Variants in RIN2 observed in about 807,000 individuals in gnomAD.
The protein encoded by RIN2 is Ras and Rab interactor 2.
Under a neutral mutation model 78.0 loss-of-function variants are expected in RIN2, and 36 were observed. That is an observed-to-expected ratio of 0.46 (90% CI 0.35 to 0.61). The LOEUF (loss-of-function observed/expected upper bound fraction) is 0.61. Among genes scored for constraint, RIN2 ranks in the 20% least tolerant of loss-of-function variants. The pLI is 0.00. For synonymous variants in RIN2, 466 were observed against 466.8 expected (o/e 1.00, Z 0.02); for missense variants, 1,087 against 1,159.7 (o/e 0.94, Z 0.91).
intron 3 of RIN2, among the ~76,000 whole-genome samples, chr20:19,922,227 G>A (rs886354056): frequency 3.3e-5 from 5 of 152,130 alleles, no homozygotes; most frequent in Admixed American, 6.5e-5. Flanking sequence ...TCCCAATCAG[G>A]AGTGGGGAGC....
Position 19,889,336 on chromosome 20 carries a change from G to A in RIN2, c.-36-230G>A, listed in dbSNP as rs77407125. The stretch of plus-strand genomic sequence containing the variant: ...TCCTGAAGTCCCAAGGACCTTCTAC[G>A]TCAGTGGCAGAGGTGGGAGGTGGGC... On this transcript the variant is annotated intron_variant, in intron 2 of 12. Coordinates refer to ENST00000255006, the MANE Select transcript of RIN2 (RefSeq NM_018993.4). 2.9e-3 allele frequency: 3,585 copies of A among 1,240,190 alleles called. 94 individuals carry two copies. In the African/African-American group the frequency reaches 0.05, roughly 17 times the overall value. 76.8% of individuals were successfully genotyped at this position (1,240,190 alleles called of 1,614,324 possible). A position where few individuals can be genotyped will look rare whatever the true frequency, so the allele number is the denominator to read the frequency against.
intron 4 of RIN2, among the ~76,000 whole-genome samples, chr20:19,944,590 G>A (rs2041010605): frequency 6.6e-6 from 1 of 152,186 alleles, no homozygotes; most frequent in South Asian, 2.1e-4. Flanking sequence ...TAAGACAACA[G>A]CCTGGAAAAA....
chr20:19,953,316 G>C (rs1185051105), intron 4 of RIN2, among the ~76,000 whole-genome samples: 1 of 151,930 alleles, frequency 6.6e-6, no homozygotes, highest in East Asian at 1.9e-4. Flanking sequence ...ATTTTTAGCA[G>C]AGACAGGGTT....
At chr20:19,800,096 A>C (rs753246866) in intron 2 of RIN2, among the ~76,000 whole-genome samples, 2 of 152,186 alleles carry the variant, frequency 1.3e-5, no homozygotes, top group African/African-American at 2.4e-5. Context: ...CGAGGTGGGC[A>C]CTGCTGTTGC....
chr20:19,827,559 A>G (rs2036130309), intron 2 of RIN2, among the ~76,000 whole-genome samples: 1 of 152,188 alleles, frequency 6.6e-6, no homozygotes, highest in African/African-American at 2.4e-5. Context: ...GAGTGCTTGA[A>G]GGTGATCACA....
At chr20:19,928,020 C>T (rs758567181) in intron 3 of RIN2, among the ~76,000 whole-genome samples, 4 of 152,012 alleles carry the variant, frequency 2.6e-5, no homozygotes, top group South Asian at 2.1e-4. Flanking sequence ...CTCCTGCCTC[C>T]GCCTTCGGAG....
At chr20:19,936,955 G>C (rs1334343851) in intron 4 of RIN2, among the ~76,000 whole-genome samples, 1 of 152,198 alleles carries the variant, frequency 6.6e-6, no homozygotes, top group Non-Finnish European at 1.5e-5. Flanking sequence ...TGGCAACACT[G>C]TTCATATTAA....
Position 19,981,400 on chromosome 20 carries a change from C to T in RIN2, c.1762+5613C>T, listed in dbSNP as rs78122848. Among the ~76,000 whole-genome samples, 554 of 152,288 alleles carry T rather than the reference C, an allele frequency of 3.6e-3. 2 individuals carry two copies. The highest frequency in any genetic ancestry group is 0.012 in the African/African-American group (503 of 41,562). On this transcript the variant is annotated intron_variant, in intron 9 of 12. Coordinates refer to ENST00000255006, the MANE Select transcript of RIN2 (RefSeq NM_018993.4). Reference sequence around the variant, plus strand: ...TTTCTGCCCTGTAAAATTAAAGATTCCCTTCTTTCCATACTCTGTTCTTTG... The same window carrying T: ...TTTCTGCCCTGTAAAATTAAAGATTTCCTTCTTTCCATACTCTGTTCTTTG...
At chr20:19,920,972 C>T (rs575451773) in intron 3 of RIN2, among the ~76,000 whole-genome samples, 4 of 148,968 alleles carry the variant, frequency 2.7e-5, no homozygotes, top group African/African-American at 7.5e-5. Context: ...CATGCCCAGC[C>T]GAAACAGTTT....
intron 2 of RIN2, chr20:19,809,479 C>G (rs2122782341): frequency 6.6e-6 from 1 of 152,410 alleles, no homozygotes; most frequent in Non-Finnish European, 1.5e-5. Context: ...CCCTAGCGTC[C>G]CAGCCACAAG....
At chr20:19,870,810 G>A (rs1256884854) in intron 2 of RIN2, among the ~76,000 whole-genome samples, 3 of 152,132 alleles carry the variant, frequency 2.0e-5, no homozygotes, top group African/African-American at 7.2e-5. Flanking sequence ...ACTCTCTGTT[G>A]TAATATCCTC....
chr20:19,880,620 G>A (rs192808164), intron 2 of RIN2, among the ~76,000 whole-genome samples: 1 of 151,728 alleles, frequency 6.6e-6, no homozygotes. Context: ...CTTCTGCCTT[G>A]GCCTCCCAAA....
intron 2 of RIN2, among the ~76,000 whole-genome samples, chr20:19,804,439 A>T (rs2035341113): frequency 6.6e-6 from 1 of 152,190 alleles, no homozygotes; most frequent in Non-Finnish European, 1.5e-5. Context: ...TGCCTTTTCT[A>T]CATCTATTGA....
intron 3 of RIN2, among the ~76,000 whole-genome samples, chr20:19,909,688 G>GA (rs2039377883): frequency 6.6e-6 from 1 of 152,220 alleles, no homozygotes; most frequent in Non-Finnish European, 1.5e-5. Context: ...AGGAAACTGA[G>GA]ATCCTGGTAG....
chr20:19,998,948 T>C (rs2146430845), intron 12 of RIN2, among the ~76,000 whole-genome samples: 1 of 152,262 alleles, frequency 6.6e-6, no homozygotes, highest in Non-Finnish European at 1.5e-5. Context: ...AGAGCTGCCT[T>C]CTTCTGCAGC....
chr20:19,924,321 CCTTCATACCGCACCT>C (rs1568615366), intron 3 of RIN2, among the ~76,000 whole-genome samples: 2 of 46,064 alleles, frequency 4.3e-5, no homozygotes, highest in African/African-American at 1.4e-4. Context: ...CATACCCCCA[CCTTCATACCGCACCT>C]CTTCATACCC....
intron 3 of RIN2, among the ~76,000 whole-genome samples, chr20:19,922,586 C>T (rs569174756): frequency 1.1e-4 from 17 of 152,266 alleles, no homozygotes; most frequent in Middle Eastern, 3.4e-3. Context: ...TGAGGTCCCC[C>T]GAGGAGGTAG....
At position 19,889,643 on chromosome 20, in the gene RIN2, A is replaced by C. The variant is rs1158954319; in HGVS notation, c.42A>C (p.Arg14=). 1 of 1,522,966 alleles carries C rather than the reference A, an allele frequency of 6.6e-7. No individual in the cohort carries two copies. The highest frequency in any genetic ancestry group is 2.1e-5 in the Admixed American group (1 of 46,920). The allele number at this position is 1,522,966 out of a possible 1,614,324, so 94.3% of individuals were successfully genotyped here. A position where few individuals can be genotyped will look rare whatever the true frequency, so the allele number is the denominator to read the frequency against. ...TGGGCGCCCGCGGTCTGGACAAGCGAGGAAGTTTCTTTAAGGTAAAAGGAA... is the reference window on the plus strand; with the variant it reads ...TGGGCGCCCGCGGTCTGGACAAGCGCGGAAGTTTCTTTAAGGTAAAAGGAA... ...WTMGARGLDK[R]GSFFKLIDTI... The change falls in exon 3 of 13, where the codon CGA becomes CGC. Residue 14 remains arginine (R), a synonymous_variant. Coordinates refer to ENST00000255006, the MANE Select transcript of RIN2 (RefSeq NM_018993.4).
intron 9 of RIN2, among the ~76,000 whole-genome samples, chr20:19,985,936 T>A (rs912454185): frequency 1.3e-5 from 2 of 152,178 alleles, no homozygotes; most frequent in Non-Finnish European, 2.9e-5. Context: ...ATCTGTGAAA[T>A]GAAAACATAG....
Sources: allele counts gnomAD v4.1 joint callset (sites outside exome capture counted in the v4.1 genomes callset), GRCh38; gene constraint gnomAD v4.1.1; transcripts MANE v1.5; gene names NCBI Gene and HGNC (gene_info 2026-07-23, HGNC 2026-07-21).